Variants in MYO5B observed in about 807,000 individuals in gnomAD.
MYO5B encodes myosin VB.
A neutral mutation model predicts 229.3 loss-of-function variants in MYO5B; 143 were observed. The ratio of observed to expected loss-of-function variants is 0.62; its 90% CI spans 0.54 to 0.72. MYO5B has a LOEUF of 0.72. MYO5B is among the 30% of genes least tolerant of loss of function. MYO5B has a pLI of 0.00. For synonymous variants in MYO5B, 918 were observed against 885.2 expected (o/e 1.04, Z -0.66); for missense variants, 2,321 against 2,331.0 (o/e 1.00, Z 0.09).
intron 1 of MYO5B, among the ~76,000 whole-genome samples, chr18:50,194,283 G>A (rs1024573327): frequency 2.6e-5 from 4 of 152,184 alleles, no homozygotes; most frequent in Non-Finnish European, 4.4e-5. Context: ...GTGGGTATGC[G>A]GGAGGAAAGG....
At chr18:50,134,554 CAATAAATAAATAAATA>C (rs57536679) in intron 1 of MYO5B, among the ~76,000 whole-genome samples, 3,661 of 141,478 alleles carry the variant, frequency 0.026, 149 homozygotes, top group African/African-American at 0.089. Flanking sequence ...GACTCCATCT[CAATAAATAAATAAATA>C]AATAAATAAA....
At chr18:49,990,396 CAGT>C in intron 7 of MYO5B, 40 bp downstream of exon 7, 1 of 1,525,528 alleles carries the variant, frequency 6.6e-7, no homozygotes, top group Non-Finnish European at 9.1e-7. Context: ...CCCGCTGGAG[CAGT>C]AGCCCACCCC....
intron 10 of MYO5B, among the ~76,000 whole-genome samples, chr18:49,964,339 G>A (rs1223245551): frequency 1.3e-5 from 2 of 151,082 alleles, no homozygotes; most frequent in Non-Finnish European, 2.9e-5. Flanking sequence ...AATTTTAAGT[G>A]TATATTTTCA....
chr18:49,901,427 T>A (rs2024840534), intron 21 of MYO5B, among the ~76,000 whole-genome samples: 1 of 152,212 alleles, frequency 6.6e-6, no homozygotes, highest in Admixed American at 6.5e-5. Context: ...CCTACAGGGA[T>A]ATTTAATCAA....
chr18:49,848,117 A>C (rs1342071265), intron 32 of MYO5B, among the ~76,000 whole-genome samples: 4 of 152,226 alleles, frequency 2.6e-5, no homozygotes, highest in Non-Finnish European at 5.9e-5. Flanking sequence ...TAAGCACGGG[A>C]ACAGATACAA....
At position 50,018,628 on chromosome 18, in the gene MYO5B, T is replaced by A. The variant is rs1405965748; in HGVS notation, c.456-17217A>T. Among the ~76,000 whole-genome samples, 3 of 152,182 alleles carry A rather than the reference T, an allele frequency of 2.0e-5. No individual in the cohort carries two copies. In the East Asian group the frequency reaches 5.8e-4, roughly 29 times the overall value. ...GAATAAAGTCCTATTATCATCCCCATGCTACAGATAAGGAAACAGAGAGCT... is the reference window on the plus strand; with the variant it reads ...GAATAAAGTCCTATTATCATCCCCAAGCTACAGATAAGGAAACAGAGAGCT... On this transcript the variant is annotated intron_variant, in intron 4 of 39. Coordinates refer to ENST00000285039, the MANE Select transcript of MYO5B (RefSeq NM_001080467.3).
chr18:49,899,600 C>G (rs868726142), intron 21 of MYO5B, among the ~76,000 whole-genome samples: 1 of 152,248 alleles, frequency 6.6e-6, no homozygotes, highest in Admixed American at 6.5e-5. Flanking sequence ...AGGTTTCAAT[C>G]CCAGCCATGC....
intron 1 of MYO5B, among the ~76,000 whole-genome samples, chr18:50,060,056 GT>G (rs2030650011): frequency 6.6e-6 from 1 of 152,176 alleles, no homozygotes; most frequent in Non-Finnish European, 1.5e-5. Flanking sequence ...GAGGGGAAGG[GT>G]TTCTTTTTGG....
In MYO5B at chr18:50,122,634, GGAGAGAGAGAGAGAGAGAGAGAGAGA is replaced by G. The variant is rs778675940; in HGVS notation, c.28-67282_28-67257del. On this transcript the variant is annotated intron_variant, in intron 1 of 39. Coordinates refer to ENST00000285039, the MANE Select transcript of MYO5B (RefSeq NM_001080467.3). ...AGAGAGGGAGGGAGGGAAGGGGGGG[GGAGAGAGAGAGAGAGAGAGAGAGAGA>G]GAGAGAGAGAGAGAGAGAGAGAGAG... is the stretch of plus-strand genomic sequence containing the variant. Among the ~76,000 whole-genome samples the G allele has an allele frequency of 8.5e-3, 79 of 9,248 alleles. 4 individuals carry two copies. In the East Asian group the frequency reaches 0.17, roughly 20 times the overall value. The allele number at this position is 9,248 out of a possible 152,430, so 6.1% of individuals were successfully genotyped here.
intron 13 of MYO5B, among the ~76,000 whole-genome samples, 198 bp from the exon 14 acceptor site, chr18:49,953,541 G>A (rs1598908034): frequency 1.3e-5 from 2 of 152,186 alleles, no homozygotes; most frequent in East Asian, 1.9e-4. Context: ...TTTTGTGGAA[G>A]AAATTGTTTT....
chr18:49,944,604 T>G (rs2025350808), intron 14 of MYO5B, among the ~76,000 whole-genome samples: 1 of 152,036 alleles, frequency 6.6e-6, no homozygotes, highest in African/African-American at 2.4e-5. Context: ...CTCTCAGGCT[T>G]ACTAGATTTT....
At chr18:49,937,438 C>T (rs1028404037) in intron 14 of MYO5B, 41 bp from the exon 15 acceptor site, 2 of 1,604,132 alleles carry the variant, frequency 1.2e-6, no homozygotes, top group South Asian at 1.1e-5. Flanking sequence ...GTGACATCTC[C>T]TGCACCTTAC....
At chr18:49,919,167 C>T (rs1026130877) in intron 17 of MYO5B, among the ~76,000 whole-genome samples, 1 of 152,166 alleles carries the variant, frequency 6.6e-6, no homozygotes, top group Non-Finnish European at 1.5e-5. Flanking sequence ...TGAGACTGGG[C>T]TCTTACATGT....
chr18:50,041,540 T>C (rs969322360), intron 2 of MYO5B, among the ~76,000 whole-genome samples: 14 of 151,960 alleles, frequency 9.2e-5, no homozygotes, highest in African/African-American at 3.1e-4. Flanking sequence ...AAATTGCAAA[T>C]AAAAGGTTAA....
In MYO5B at chr18:50,036,923, T is replaced by C. The variant is rs774511689; in HGVS notation, c.382A>G (p.Ser128Gly). 4.3e-6 allele frequency: 7 copies of C among 1,614,156 alleles called. No homozygotes were observed. The highest frequency in any genetic ancestry group is 5.9e-6 in the Non-Finnish European group (7 of 1,180,014). ...TCCATGTCTCCCATGTTTTGGCCAC[T>C]GTAGGTATAGATGACATCTTGTCCA... ...IYGQDVIYTYSGQNMGDMDPH... is the reference protein window; with the variant it reads ...IYGQDVIYTYGGQNMGDMDPH... The change falls in exon 4 of 40, where the codon AGT becomes GGT. Residue 128 changes from serine (S) to glycine (G), a missense_variant. Physicochemically the swap from Ser to Gly is moderately conservative, Grantham distance 56. Transcript: ENST00000285039.
At chr18:50,003,675 CT>C (rs2026070838) in intron 4 of MYO5B, among the ~76,000 whole-genome samples, 1 of 152,168 alleles carries the variant, frequency 6.6e-6, no homozygotes, top group Admixed American at 6.5e-5. Context: ...TTAAAACTTC[CT>C]GGGTATCTGC....
At chr18:50,102,752 T>C (rs369229936) in intron 1 of MYO5B, among the ~76,000 whole-genome samples, 45 of 151,082 alleles carry the variant, frequency 3.0e-4, no homozygotes, top group African/African-American at 1.1e-3. Context: ...AAATCCCCAG[T>C]GTTCTACATG....
At chr18:50,150,582 A>G (rs943572509) in intron 1 of MYO5B, among the ~76,000 whole-genome samples, 1 of 151,952 alleles carries the variant, frequency 6.6e-6, no homozygotes, top group Non-Finnish European at 1.5e-5. Flanking sequence ...CTATCGCAAG[A>G]ACAAAAAACC....
intron 39 of MYO5B, among the ~76,000 whole-genome samples, chr18:49,831,454 A>C (rs981288769): frequency 1.3e-5 from 2 of 152,248 alleles, no homozygotes; most frequent in Non-Finnish European, 2.9e-5. Flanking sequence ...AAATGAATTA[A>C]ATACTGGAAT....
Sources: allele counts gnomAD v4.1 joint callset (sites outside exome capture counted in the v4.1 genomes callset), GRCh38; gene constraint gnomAD v4.1.1; transcripts MANE v1.5; gene names NCBI Gene and HGNC (gene_info 2026-07-23, HGNC 2026-07-21).